BABAM2: variants seen among roughly 807,000 people sequenced by gnomAD.
BABAM2 encodes the protein BRISC and BRCA1-A complex member 2.
A neutral mutation model predicts 54.7 loss-of-function variants in BABAM2; 31 were observed. The observed-to-expected ratio is 0.57, with a 90% CI of 0.43 to 0.77. The LOEUF is 0.77. BABAM2 is among the 30% of genes least tolerant of loss of function. The probability of loss-of-function intolerance (pLI) is 0.00; values close to 1 mark genes in which losing one functional copy is unlikely to be tolerated. For synonymous variants in BABAM2, 167 were observed against 162.9 expected (o/e 1.03, Z -0.19); for missense variants, 364 against 455.8 (o/e 0.80, Z 1.83).
At chr2:28,281,479 C>G (rs1225798855) in intron 10 of BABAM2, among the ~76,000 whole-genome samples, 1 of 152,200 alleles carries the variant, frequency 6.6e-6, no homozygotes, top group Non-Finnish European at 1.5e-5. Context: ...CCAGTCTCCT[C>G]CCAGCAGGAT....
intron 4 of BABAM2, among the ~76,000 whole-genome samples, chr2:28,009,680 G>T (rs971290206): frequency 6.6e-6 from 1 of 152,078 alleles, no homozygotes. Flanking sequence ...TGAGGAATGG[G>T]TTTAGGGGCT....
At chr2:28,120,587 A>T (rs1668986416) in intron 6 of BABAM2, among the ~76,000 whole-genome samples, 1 of 152,214 alleles carries the variant, frequency 6.6e-6, no homozygotes. Context: ...TGTTACGAAG[A>T]TTAGAGATAA....
intron 4 of BABAM2, among the ~76,000 whole-genome samples, chr2:28,013,015 C>G (rs925057290): frequency 3.3e-5 from 5 of 152,064 alleles, no homozygotes; most frequent in Non-Finnish European, 5.9e-5. Context: ...AGTGGAAATT[C>G]AAGATGGAGT....
chr2:28,301,693 T>C lies in BABAM2; in HGVS notation c.1088+3202T>C, dbSNP rs114504416. ...ACCTTCTCCCATATGGGTTTTCCCA[T>C]CCACTCTACTTTGCCAGCAGCTCTC... is the stretch of plus-strand genomic sequence containing the variant. On this transcript the variant is annotated intron_variant, in intron 11 of 11. Transcript: ENST00000379624. 7.1e-3 allele frequency among the ~76,000 whole-genome samples: 1,082 copies of C among 152,154 alleles called. 9 individuals carry two copies. Among genetic ancestry groups the C allele is most frequent in the African/African-American group, 0.025 (1,025 of 41,480 alleles).
At chr2:28,106,659 C>G (rs1337313397) in intron 6 of BABAM2, among the ~76,000 whole-genome samples, 3 of 152,166 alleles carry the variant, frequency 2.0e-5, no homozygotes, top group African/African-American at 4.8e-5. Context: ...CTGTTTGACT[C>G]ATTACTGTTG....
intron 4 of BABAM2, among the ~76,000 whole-genome samples, chr2:28,009,144 C>T (rs930016977): frequency 1.3e-5 from 2 of 152,086 alleles, no homozygotes; most frequent in African/African-American, 2.4e-5. Context: ...GTTTTGCCTG[C>T]TATGTGGGTG....
rs1407178547 is a variant in BABAM2 at position 28,325,126 on chromosome 2, A to G, written c.1089-13324A>G. On this transcript the variant is annotated intron_variant, in intron 11 of 11. Transcript: ENST00000379624. This position sits in a 1 kb window ranked among gnomAD's most constrained non-coding sequence, Gnocchi z 4.3. ...ATTTTAATGCTGCTCAGAACCCACTAAATGGATTTTGTGATCCACTGTTTG... is the reference window on the plus strand; with the variant it reads ...ATTTTAATGCTGCTCAGAACCCACTGAATGGATTTTGTGATCCACTGTTTG... Among the ~76,000 whole-genome samples the G allele has an allele frequency of 6.6e-6, 1 of 152,244 alleles. No individual in the cohort carries two copies. Among genetic ancestry groups the G allele is most frequent in the Non-Finnish European group, 1.5e-5 (1 of 68,042 alleles).
chr2:28,073,574 A>G (rs1458213907), intron 6 of BABAM2, among the ~76,000 whole-genome samples: 4 of 152,198 alleles, frequency 2.6e-5, no homozygotes, highest in African/African-American at 7.2e-5. Context: ...GTATGAATGC[A>G]TGTAAAATAG....
At chr2:28,085,804 C>A (rs912454541) in intron 6 of BABAM2, among the ~76,000 whole-genome samples, 3 of 152,038 alleles carry the variant, frequency 2.0e-5, no homozygotes, top group African/African-American at 7.2e-5. Flanking sequence ...TAATATATGG[C>A]AGTTTTAATA....
chr2:28,105,654 C>T (rs1218062491), intron 6 of BABAM2, among the ~76,000 whole-genome samples: 18 of 152,110 alleles, frequency 1.2e-4, no homozygotes, highest in East Asian at 1.9e-4. Context: ...TGTTAAGGTA[C>T]GATGCATAGC....
chr2:28,308,708 T>C (rs1688781427), intron 11 of BABAM2: 1 of 246,746 alleles, frequency 4.1e-6, no homozygotes, highest in African/African-American at 2.3e-5. Flanking sequence ...TCCATACTCT[T>C]TTCACCATGT....
At chr2:28,101,350 C>CT (rs1027859995) in intron 6 of BABAM2, among the ~76,000 whole-genome samples, 6 of 152,024 alleles carry the variant, frequency 3.9e-5, no homozygotes, top group Admixed American at 2.0e-4. Context: ...CAGAGTTTGT[C>CT]TTTTTTTAGA....
At chr2:28,119,923 G>A (rs1309297818) in intron 6 of BABAM2, among the ~76,000 whole-genome samples, 1 of 152,076 alleles carries the variant, frequency 6.6e-6, no homozygotes, top group Admixed American at 6.5e-5. Context: ...TATTTTCACT[G>A]AATATAGTTA....
At chr2:28,027,131 C>T (rs1361116759) in intron 5 of BABAM2, among the ~76,000 whole-genome samples, 1 of 149,982 alleles carries the variant, frequency 6.7e-6, no homozygotes, top group Admixed American at 6.7e-5. Flanking sequence ...CAGCTCCAGC[C>T]ACACTGGCAC....
chr2:28,005,301 A>G (rs1673878773), intron 4 of BABAM2, among the ~76,000 whole-genome samples: 1 of 152,138 alleles, frequency 6.6e-6, no homozygotes, highest in African/African-American at 2.4e-5. Flanking sequence ...TCAACCTTTT[A>G]ATACTAAACA....
chr2:28,046,660 T>C (rs1288168766), intron 6 of BABAM2, among the ~76,000 whole-genome samples: 1 of 152,178 alleles, frequency 6.6e-6, no homozygotes, highest in Non-Finnish European at 1.5e-5. Context: ...ACAAGTTTGC[T>C]TGCATATTAT....
chr2:28,281,331 G>A (rs1197012245), intron 10 of BABAM2, among the ~76,000 whole-genome samples: 1 of 152,222 alleles, frequency 6.6e-6, no homozygotes, highest in African/African-American at 2.4e-5. Context: ...AAAGCTTACT[G>A]AATTGGTGTG....
chr2:28,182,555 G>T (rs1270418235), intron 7 of BABAM2, among the ~76,000 whole-genome samples: 2 of 152,178 alleles, frequency 1.3e-5, no homozygotes, highest in Non-Finnish European at 2.9e-5. Context: ...AGTGGCAGTG[G>T]TAGGACTACA....
intron 9 of BABAM2, among the ~76,000 whole-genome samples, chr2:28,243,157 G>T (rs1682596910): frequency 6.6e-6 from 1 of 152,066 alleles, no homozygotes; most frequent in Non-Finnish European, 1.5e-5. Flanking sequence ...TACTAAAAAG[G>T]ACTATATACT....
Sources: gnomAD v4.1 joint callset for allele counts (sites outside exome capture counted in the v4.1 genomes callset) on GRCh38, gnomAD v4.1.1 for gene constraint, Gnocchi (gnomAD v3.1) non-coding constraint, MANE v1.5 for transcripts, NCBI Gene and HGNC (gene_info 2026-07-23, HGNC 2026-07-21) for gene names.